The following PDK1 variants were observed in gnomAD, a reference collection of about 807,000 sequenced individuals.
PDK1 encodes [Pyruvate dehydrogenase (acetyl-transferring)] kinase isozyme 1, mitochondrial.
In PDK1, 39 loss-of-function variants were observed where a neutral mutation model predicts 54.2. The observed-to-expected ratio is 0.72, with a 90% CI of 0.56 to 0.94. The LOEUF is 0.94. PDK1 is among the 40% of genes least tolerant of loss of function. PDK1 has a pLI of 0.00. For missense variants in PDK1, 552 were observed against 566.0 expected (o/e 0.98, Z 0.25); for synonymous variants, 221 against 207.1 (o/e 1.07, Z -0.58).
At chr2:172,572,533 T>C (rs967445275) in intron 8 of PDK1, among the ~76,000 whole-genome samples, 4 of 152,116 alleles carry the variant, frequency 2.6e-5, no homozygotes, top group African/African-American at 9.7e-5. Context: ...AAGACCAGCC[T>C]GGCCAACATG....
At chr2:172,711,865 C>CAAAAAAA in the PDK1 span, among the ~76,000 whole-genome samples, 11 of 22,780 alleles carry the variant, frequency 4.8e-4, 1 homozygote, top group East Asian at 7.5e-3. Flanking sequence ...GAACCTAGCT[C>CAAAAAAA]AAAAAAAAAA....
At position 172,581,055 on chromosome 2, in the gene PDK1, A is replaced by G. The variant is rs372476012; in HGVS notation, c.946-5223A>G. Among the ~76,000 whole-genome samples the G allele has an allele frequency of 5.7e-4, 86 of 152,042 alleles. 1 individual carries two copies. The South Asian group carries it at 0.013, about 22-fold the overall frequency. ...CGATGAATATATTAAAAACCATTCA[A>G]TTATATACTTTAAGTGCATTAATTA... On this transcript the variant is annotated intron_variant, in intron 8 of 10. Coordinates refer to ENST00000282077, the MANE Select transcript of PDK1 (RefSeq NM_002610.5).
chr2:172,570,067 A>T (rs926347516), intron 7 of PDK1, among the ~76,000 whole-genome samples: 2 of 152,158 alleles, frequency 1.3e-5, no homozygotes, highest in African/African-American at 4.8e-5. Context: ...CTCAATCGCA[A>T]TTGCTGTGCC....
upstream of PDK1, chr2:172,555,377 T>C (rs1688260629): frequency 6.6e-6 from 1 of 152,068 alleles, no homozygotes; most frequent in South Asian, 2.1e-4. Context: ...AAACAGATAA[T>C]ATGCTCCTTT....
At chr2:172,618,738 A>C in the PDK1 span, among the ~76,000 whole-genome samples, 2 of 152,218 alleles carry the variant, frequency 1.3e-5, no homozygotes, top group Non-Finnish European at 2.9e-5. Context: ...TACAGCTGGA[A>C]GGAGTTGGGG....
the PDK1 span, among the ~76,000 whole-genome samples, chr2:172,668,612 T>C: frequency 1.3e-5 from 2 of 151,782 alleles, no homozygotes; most frequent in Non-Finnish European, 2.9e-5. Context: ...ATGGCCTCTT[T>C]GGATGGGTGC....
At chr2:172,556,430 G>C (rs1308684567) in intron 1 of PDK1, 84 bp downstream of exon 1, 2 of 1,067,888 alleles carry the variant, frequency 1.9e-6, no homozygotes, top group Admixed American at 3.9e-5. Flanking sequence ...GGTCGGCGCC[G>C]GCCAGCTCTC....
At chr2:172,620,186 A>G in the PDK1 span, among the ~76,000 whole-genome samples, 1 of 152,174 alleles carries the variant, frequency 6.6e-6, no homozygotes, top group African/African-American at 2.4e-5. Context: ...AGCAAAACTC[A>G]TTTATTTTTT....
chr2:172,723,782 G>A, the PDK1 span: 3 of 152,290 alleles, frequency 2.0e-5, 1 homozygote, highest in South Asian at 4.1e-4. Flanking sequence ...GATAGGTGTT[G>A]TAGTACTTAG....
the PDK1 span, among the ~76,000 whole-genome samples, chr2:172,630,488 CAG>C: frequency 6.6e-6 from 1 of 152,282 alleles, no homozygotes; most frequent in Non-Finnish European, 1.5e-5. Flanking sequence ...AGAGAACAGA[CAG>C]AAAACATTTC....
Position 172,600,819 on chromosome 2 carries a change from G to A in PDK1, c.*4850G>A, listed in dbSNP as rs1691090318. The A allele has an allele frequency of 6.6e-6, 1 of 152,144 alleles. No homozygotes were observed. The highest frequency in any genetic ancestry group is 1.5e-5 in the Non-Finnish European group (1 of 68,050). The allele number at this position is 152,144 out of a possible 1,614,324, so 9.4% of individuals were successfully genotyped here. A position where few individuals can be genotyped will look rare whatever the true frequency, so the allele number is the denominator to read the frequency against. ...CTTATCCCATTCCTTGACCACATAG[G>A]CTCTTAGACTCTTATTCTATGTTGT... On this transcript the variant is annotated 3_prime_UTR_variant, in exon 11 of 11. Coordinates refer to ENST00000282077, the MANE Select transcript of PDK1 (RefSeq NM_002610.5).
the PDK1 span, among the ~76,000 whole-genome samples, chr2:172,676,792 C>A: frequency 1.3e-5 from 2 of 152,196 alleles, no homozygotes; most frequent in African/African-American, 4.8e-5. Flanking sequence ...TGCTATCAAA[C>A]AGCATCTCAT....
At chr2:172,628,196 T>C in the PDK1 span, among the ~76,000 whole-genome samples, 1 of 152,242 alleles carries the variant, frequency 6.6e-6, no homozygotes, top group Admixed American at 6.5e-5. Context: ...AATTTACCCC[T>C]GCTTTACAAA....
chr2:172,609,096 T>C (rs893255699), downstream of PDK1, among the ~76,000 whole-genome samples: 4 of 152,208 alleles, frequency 2.6e-5, no homozygotes, highest in Non-Finnish European at 5.9e-5. Flanking sequence ...ACTTTTGAAA[T>C]AGCACCCTAA....
At chr2:172,592,487 C>T (rs894345114) in intron 9 of PDK1, among the ~76,000 whole-genome samples, 7 of 151,892 alleles carry the variant, frequency 4.6e-5, no homozygotes, top group African/African-American at 1.7e-4. Flanking sequence ...CTCTCTCTTC[C>T]TCTGTCTCTC....
the PDK1 span, among the ~76,000 whole-genome samples, chr2:172,619,720 A>G: frequency 1.3e-5 from 2 of 152,362 alleles, no homozygotes; most frequent in Non-Finnish European, 2.9e-5. Flanking sequence ...ATGAAAGCTT[A>G]TAATAGCCTT....
chr2:172,701,641 TTGTTTTG>T, the PDK1 span, among the ~76,000 whole-genome samples: 2 of 91,492 alleles, frequency 2.2e-5, no homozygotes, highest in Admixed American at 9.2e-5. Flanking sequence ...GTTTTTTTTT[TTGTTTTG>T]TTTTTTTTTT....
At chr2:172,718,042 C>T in the PDK1 span, among the ~76,000 whole-genome samples, 1 of 152,150 alleles carries the variant, frequency 6.6e-6, no homozygotes, top group Non-Finnish European at 1.5e-5. Flanking sequence ...TAAATGAAAT[C>T]TGCTGATCTT....
chr2:172,588,735 T>C (rs1690401016), intron 9 of PDK1, among the ~76,000 whole-genome samples: 1 of 152,202 alleles, frequency 6.6e-6, no homozygotes, highest in Non-Finnish European at 1.5e-5. Context: ...GGAGTGGCTT[T>C]CTTGTCTACC....
Sources: allele counts gnomAD v4.1 joint callset (sites outside exome capture counted in the v4.1 genomes callset), GRCh38; gene constraint gnomAD v4.1.1; transcripts MANE v1.5; gene names NCBI Gene and HGNC (gene_info 2026-07-23, HGNC 2026-07-21).